GRIK1: variants seen among roughly 807,000 people sequenced by gnomAD.
GRIK1 encodes the protein glutamate receptor ionotropic, kainate 1.
GRIK1 carries 69 observed loss-of-function variants against 105.7 expected under a neutral mutation model. The observed-to-expected ratio is 0.65, with a 90% confidence interval of 0.54 to 0.80. GRIK1 has a LOEUF of 0.80. Among genes scored for constraint, GRIK1 ranks in the 30% least tolerant of loss-of-function variants. The pLI is 0.00. For synonymous variants in GRIK1, 438 were observed against 431.3 expected, an observed-to-expected ratio of 1.02 and a Z score of -0.19; for missense variants, 1,109 against 1,167.3, an observed-to-expected ratio of 0.95 and a Z score of 0.73.
In GRIK1 at chr21:29,661,983, C is replaced by G. The variant is rs373368931; in HGVS notation, c.727-7120G>C. On this transcript the variant is annotated intron_variant, in intron 4 of 17. Transcript: ENST00000327783. Reference sequence around the variant, plus strand: ...GCTATATGATGTATAAATCCAGCCCCTTTTTCTCCTACCTCCAAGTTAAAC... The same window carrying G: ...GCTATATGATGTATAAATCCAGCCCGTTTTTCTCCTACCTCCAAGTTAAAC... 9.9e-5 allele frequency among the ~76,000 whole-genome samples: 15 copies of G among 152,272 alleles called. No individual in the cohort carries two copies. The East Asian group carries it at 2.7e-3, about 27-fold the overall frequency.
chr21:29,711,966 G>C (rs892611664), intron 1 of GRIK1, among the ~76,000 whole-genome samples: 6 of 151,568 alleles, frequency 4.0e-5, no homozygotes, highest in Non-Finnish European at 5.9e-5. Flanking sequence ...TACAATTCTA[G>C]TACCTAGAGA....
chr21:29,769,832 C>A (rs1464228304), intron 1 of GRIK1, among the ~76,000 whole-genome samples: 1 of 152,098 alleles, frequency 6.6e-6, no homozygotes. Flanking sequence ...TTGATTTCAG[C>A]CTTCTAGCCT....
chr21:29,833,265 T>C (rs549711143), intron 1 of GRIK1, among the ~76,000 whole-genome samples: 1 of 152,314 alleles, frequency 6.6e-6, no homozygotes, highest in African/African-American at 2.4e-5. Flanking sequence ...TTCCCTCATA[T>C]TCCTGTTTTC....
chr21:29,555,734 C>T (rs752667433), intron 15 of GRIK1, among the ~76,000 whole-genome samples: 2 of 152,038 alleles, frequency 1.3e-5, no homozygotes, highest in African/African-American at 2.4e-5. Flanking sequence ...GCAGCCATAC[C>T]GGAATGGGAG....
chr21:29,643,927 CAT>C (rs2062565747), intron 6 of GRIK1, among the ~76,000 whole-genome samples: 1 of 151,910 alleles, frequency 6.6e-6, no homozygotes, highest in South Asian at 2.1e-4. Flanking sequence ...CACACACACA[CAT>C]GCACAGCCAC....
intron 1 of GRIK1, among the ~76,000 whole-genome samples, chr21:29,925,815 T>G (rs998838723): frequency 5.3e-5 from 8 of 152,298 alleles, no homozygotes; most frequent in African/African-American, 1.7e-4. Flanking sequence ...TTTTATGACG[T>G]TCTCAAAAAG....
intron 7 of GRIK1, among the ~76,000 whole-genome samples, chr21:29,614,050 G>A (rs1031170443): frequency 6.6e-6 from 1 of 152,118 alleles, no homozygotes; most frequent in African/African-American, 2.4e-5. Context: ...GTCATTCTCT[G>A]GGGATTTAGA....
intron 1 of GRIK1, among the ~76,000 whole-genome samples, chr21:29,878,384 A>G (rs563456263): frequency 1.3e-5 from 2 of 152,220 alleles, no homozygotes; most frequent in Admixed American, 6.5e-5. Flanking sequence ...TTAGAGTGCA[A>G]TGTGAATGGT....
chr21:29,932,990 C>T (rs950790241), intron 1 of GRIK1, among the ~76,000 whole-genome samples: 2 of 150,536 alleles, frequency 1.3e-5, no homozygotes, highest in African/African-American at 2.4e-5. Context: ...AATGGTAAAC[C>T]TTTAGAATAG....
At chr21:29,720,315 T>A (rs1233305403) in intron 1 of GRIK1, among the ~76,000 whole-genome samples, 2 of 152,222 alleles carry the variant, frequency 1.3e-5, no homozygotes, top group East Asian at 3.8e-4. Context: ...ATTTTCTTAT[T>A]TACAAGTTAG....
chr21:29,751,863 G>A (rs910044879), intron 1 of GRIK1, among the ~76,000 whole-genome samples: 3 of 152,112 alleles, frequency 2.0e-5, no homozygotes, highest in South Asian at 2.1e-4. Context: ...TTCCACTTAC[G>A]GGGGTTTTCT....
At chr21:29,618,324 C>T (rs1380808133) in intron 7 of GRIK1, among the ~76,000 whole-genome samples, 4 of 152,076 alleles carry the variant, frequency 2.6e-5, no homozygotes, top group African/African-American at 7.2e-5. Context: ...ACCTTACTCC[C>T]GCAAGAATGG....
intron 14 of GRIK1, 47 bp from the exon 15 acceptor site, chr21:29,561,896 A>G: frequency 9.0e-7 from 1 of 1,105,290 alleles, no homozygotes; most frequent in Non-Finnish European, 1.4e-6. Context: ...GGCTGGAAAA[A>G]TACGACCTAA....
At chr21:29,577,408 T>G (rs2146241402) in intron 13 of GRIK1, among the ~76,000 whole-genome samples, 1 of 152,346 alleles carries the variant, frequency 6.6e-6, no homozygotes, top group South Asian at 2.1e-4. Context: ...CTGATGGTAT[T>G]AAAACAGTTT....
intron 14 of GRIK1, among the ~76,000 whole-genome samples, chr21:29,575,789 G>A (rs111538591): frequency 1.2e-3 from 178 of 152,184 alleles, no homozygotes; most frequent in African/African-American, 3.2e-3. Context: ...CCAAGATCGC[G>A]CCACTGGACT....
chr21:29,840,029 A>G (rs2067932388), intron 1 of GRIK1, among the ~76,000 whole-genome samples: 1 of 152,172 alleles, frequency 6.6e-6, no homozygotes, highest in African/African-American at 2.4e-5. Flanking sequence ...ATGCTCAAGT[A>G]TGGACTTCCT....
At chr21:29,904,212 G>A (rs1602001083) in intron 1 of GRIK1, among the ~76,000 whole-genome samples, 1 of 151,868 alleles carries the variant, frequency 6.6e-6, no homozygotes, top group East Asian at 1.9e-4. Context: ...CATGGCATGT[G>A]TATACCTATG....
chr21:29,781,000 A>G (rs543736940), intron 1 of GRIK1, among the ~76,000 whole-genome samples: 1 of 152,296 alleles, frequency 6.6e-6, no homozygotes, highest in South Asian at 2.1e-4. Context: ...TCCCATCTGG[A>G]ATAGCCAAGC....
At chr21:29,898,667 A>G (rs752549059) in intron 1 of GRIK1, among the ~76,000 whole-genome samples, 12 of 152,238 alleles carry the variant, frequency 7.9e-5, no homozygotes, top group Non-Finnish European at 1.8e-4. Flanking sequence ...CAAAAAGACA[A>G]TTAATAGTTC....
Sources: gnomAD v4.1 joint callset for allele counts (sites outside exome capture counted in the v4.1 genomes callset) on GRCh38, gnomAD v4.1.1 for gene constraint, MANE v1.5 for transcripts, NCBI Gene and HGNC (gene_info 2026-07-23, HGNC 2026-07-21) for gene names.